The following TYK2 variants were observed in gnomAD, a reference collection of about 807,000 sequenced individuals.
TYK2 encodes the protein non-receptor tyrosine-protein kinase TYK2.
Under a neutral mutation model 130.9 loss-of-function variants are expected in TYK2, and 65 were observed. The observed-to-expected ratio is 0.50, with a 90% CI of 0.41 to 0.61. The LOEUF (loss-of-function observed/expected upper bound fraction) is 0.61. Among genes scored for constraint, TYK2 ranks in the 20% least tolerant of loss-of-function variants. TYK2 has a pLI of 0.00. For synonymous variants in TYK2, 647 were observed against 658.9 expected (o/e 0.98, Z 0.28); for missense variants, 1,378 against 1,610.7 (o/e 0.86, Z 2.47).
chr19:10,358,294 GTTTTTT>G (rs770531180), intron 15 of TYK2, among the ~76,000 whole-genome samples, 156 bp from the exon 16 acceptor site: 3 of 91,442 alleles, frequency 3.3e-5, no homozygotes, highest in African/African-American at 1.3e-4. Context: ...TTTTTTTCTT[GTTTTTT>G]TTTTTTTTTT....
chr19:10,355,414 T>C (rs1233438770), intron 18 of TYK2, among the ~76,000 whole-genome samples: 1 of 150,882 alleles, frequency 6.6e-6, no homozygotes, highest in Non-Finnish European at 1.5e-5. Context: ...CTGAGGAGGG[T>C]GGATCACCTG....
chr19:10,363,501 C>T (rs945810788), intron 9 of TYK2, among the ~76,000 whole-genome samples: 2 of 152,056 alleles, frequency 1.3e-5, no homozygotes, highest in South Asian at 2.1e-4. Flanking sequence ...TTGTACTTGA[C>T]GCCAGACGGG....
At chr19:10,351,783 G>A (rs2040813284) in intron 23 of TYK2, among the ~76,000 whole-genome samples, 1 of 151,982 alleles carries the variant, frequency 6.6e-6, no homozygotes, top group African/African-American at 2.4e-5. Flanking sequence ...CTTTCACCCA[G>A]GCTGGAGTGC....
Position 10,368,389 on chromosome 19 carries a change from CAA to C in TYK2, c.221_222del (p.Phe74CysfsTer76). Reference protein sequence around the residue: ...VGITPPCFNLFALFDAQAQVW... With the variant: ...VGITPPCFNLXALFDAQAQVW... ...ACTTGGGCCTGAGCATCGAAGAGGG[CAA>C]AGAGATTGAAGCAAGGAGGAGTGAT... is the stretch of plus-strand genomic sequence containing the variant. On this transcript the variant is annotated frameshift_variant, in exon 4 of 25. Transcript: ENST00000525621. LOFTEE classifies it high-confidence loss of function. The C allele has an allele frequency of 6.2e-7, 1 of 1,614,062 alleles. No homozygotes were observed. The highest frequency in any genetic ancestry group is 8.5e-7 in the Non-Finnish European group (1 of 1,180,024).
intron 3 of TYK2, among the ~76,000 whole-genome samples, chr19:10,377,842 GTGGA>G (rs1272440999): frequency 2.2e-4 from 14 of 62,516 alleles, no homozygotes; most frequent in African/African-American, 7.4e-4. Context: ...GGATGCGTGG[GTGGA>G]TGGATGGGTG....
At position 10,357,399 on chromosome 19, in the gene TYK2, C is replaced by A. The variant is rs2041154061; in HGVS notation, c.2466+365G>T. On this transcript the variant is annotated intron_variant, in intron 17 of 24. Transcript: ENST00000525621. ...AGTGGAACTTCGTCTCAAAATAAAA[C>A]CACCACACTCATGAACCTCCTTTGG... The A allele has an allele frequency of 9.3e-6, 6 of 647,920 alleles. No individual in the cohort carries two copies. In the South Asian group the frequency reaches 1.0e-4, roughly 11 times the overall value. 40.1% of individuals were successfully genotyped at this position (647,920 alleles called of 1,614,324 possible).
rs2041412586 is a variant in TYK2, at chr19:10,361,714, C to T, written c.1959+56G>A. On this transcript the variant is annotated intron_variant, in intron 13 of 24. Coordinates refer to ENST00000525621, the MANE Select transcript of TYK2 (RefSeq NM_003331.5). The surrounding 1 kb of genome is among the most constrained non-coding windows in gnomAD (Gnocchi z 4.0). ...CACAGACACACCCCTCCCATCCCACCTCCTCCGGCCACCTCCTCCACAGAC... is the reference window on the plus strand; with the variant it reads ...CACAGACACACCCCTCCCATCCCACTTCCTCCGGCCACCTCCTCCACAGAC... 1 of 1,598,420 alleles carries T rather than the reference C, an allele frequency of 6.3e-7. No homozygotes were observed. The highest frequency in any genetic ancestry group is 8.5e-7 in the Non-Finnish European group (1 of 1,172,936).
intron 12 of TYK2, 39 bp downstream of exon 12, chr19:10,362,039 G>A (rs752151808): frequency 4.3e-6 from 7 of 1,613,064 alleles, no homozygotes; most frequent in South Asian, 3.3e-5. Flanking sequence ...ACATCCCCAG[G>A]GGCCCTGCCC....
chr19:10,378,258 G>C lies in TYK2; in HGVS notation c.149C>G (p.Ser50Trp). The C allele has an allele frequency of 6.2e-7, 1 of 1,612,890 alleles. No homozygotes were observed. The highest frequency in any genetic ancestry group is 8.5e-7 in the Non-Finnish European group (1 of 1,179,964). ...GATGCAGACTTCCTCAGCTGTCAGC[G>C]ATGACTCACTGAAAGTGACCCAGGG... ...GEPWVTFSESSLTAEEVCIHI... is the reference protein window; with the variant it reads ...GEPWVTFSESWLTAEEVCIHI... The change falls in exon 3 of 25, where the codon TCG becomes TGG. Residue 50 changes from serine (S) to tryptophan (W), a missense_variant. Ser to Trp is a radical substitution (Grantham distance 177). Coordinates refer to ENST00000525621, the MANE Select transcript of TYK2 (RefSeq NM_003331.5).
intron 3 of TYK2, among the ~76,000 whole-genome samples, chr19:10,377,002 A>T (rs2042143887): frequency 1.3e-5 from 2 of 152,192 alleles, no homozygotes; most frequent in South Asian, 4.2e-4. Flanking sequence ...CCTGGGCTCA[A>T]GCGATCCTCT....
At chr19:10,369,650 C>A in intron 3 of TYK2, 1 of 437,426 alleles carries the variant, frequency 2.3e-6, no homozygotes, top group South Asian at 1.6e-5. Context: ...CATCCACCAC[C>A]TTCAAATGCA....
At chr19:10,359,126 G>A (rs1346816882) in intron 15 of TYK2, 49 bp downstream of exon 15, 1 of 1,594,522 alleles carries the variant, frequency 6.3e-7, no homozygotes, top group Admixed American at 1.7e-5. Context: ...GAACTCCTGG[G>A]CTCCTGGCCC....
At chr19:10,377,368 AT>A (rs2042159378) in intron 3 of TYK2, among the ~76,000 whole-genome samples, 1 of 142,214 alleles carries the variant, frequency 7.0e-6, no homozygotes, top group African/African-American at 2.6e-5. Context: ...GGATGGATGG[AT>A]GGATAGATGG....
rs199929318 is a variant in TYK2, at chr19:10,352,584, G to A, written c.3201-33C>T. 5.6e-4 allele frequency: 582 copies of A among 1,039,428 alleles called. 3 individuals carry two copies. Among genetic ancestry groups the A allele is most frequent in the Middle Eastern group, 1.3e-3 (6 of 4,706 alleles). The allele number at this position is 1,039,428 out of a possible 1,614,324, so 64.4% of individuals were successfully genotyped here. Reference sequence around the variant, plus strand: ...GAGGGGGGCACTCAGGCCACGGGGGGCTGCACTGAGGGCTTGGGGATCAGA... The same window carrying A: ...GAGGGGGGCACTCAGGCCACGGGGGACTGCACTGAGGGCTTGGGGATCAGA... On this transcript the variant is annotated intron_variant, in intron 22 of 24. Coordinates refer to ENST00000525621, the MANE Select transcript of TYK2 (RefSeq NM_003331.5).
Position 10,368,086 on chromosome 19 carries a change from T to C in TYK2, c.434A>G (p.Asp145Gly). Reference protein sequence around the residue: ...DQTAQGMQLLDPASFEYLFEQ... With the variant: ...DQTAQGMQLLGPASFEYLFEQ... ...AAAGAGGTACTCAAATGAGGCTGGG[T>C]CCAGGAGTTGCATCCCCTGTGCTGT... Residue 145 changes from aspartate to glycine, a missense_variant, in exon 5 of 25, where the codon GAC (aspartate) becomes GGC (glycine). Asp to Gly is a moderately conservative substitution (Grantham distance 94). Coordinates refer to ENST00000525621, the MANE Select transcript of TYK2 (RefSeq NM_003331.5). 6.2e-7 allele frequency: 1 copy of C among 1,614,078 alleles called. No individual in the cohort carries two copies. The highest frequency in any genetic ancestry group is 8.5e-7 in the Non-Finnish European group (1 of 1,180,014).
rs773509142 is a variant in TYK2 at position 10,353,029 on chromosome 19, T to C, written c.3097A>G (p.Asn1033Asp). ...DLAARNVLLD[N>D]DRLVKIGDFG... is the part of the protein sequence containing the mutation. ...TCCCCGATCTTGACCAGCCTGTCGT[T>C]GTCCAGCAGCACGTTGCGCGCGGCT... Residue 1033 changes from asparagine to aspartate, a missense_variant, in exon 22 of 25, where the codon AAC (asparagine) becomes GAC (aspartate). By Grantham distance (23) the Asn-to-Asp change is conservative. Coordinates refer to ENST00000525621, the MANE Select transcript of TYK2 (RefSeq NM_003331.5). The surrounding 1 kb of genome is among the most constrained non-coding windows in gnomAD (Gnocchi z 6.9). The C allele has an allele frequency of 3.1e-6, 5 of 1,601,162 alleles. No individual in the cohort carries two copies. Among genetic ancestry groups the C allele is most frequent in the African/African-American group, 2.7e-5 (2 of 74,478 alleles).
intron 7 of TYK2, 105 bp downstream of exon 7, chr19:10,365,412 A>T: frequency 6.5e-7 from 1 of 1,550,324 alleles, no homozygotes; most frequent in Non-Finnish European, 8.8e-7. Context: ...CCATGTGGGG[A>T]GAGGGCTCAG....
intron 17 of TYK2, chr19:10,357,438 A>G (rs1192597094): frequency 1.4e-6 from 1 of 690,140 alleles, no homozygotes; most frequent in Non-Finnish European, 2.6e-6. Context: ...GCCTTGTCTG[A>G]CCCCACTGCT....
Position 10,361,441 on chromosome 19 carries a change from C to A in TYK2, c.2047+70G>T. The A allele has an allele frequency of 7.7e-7, 1 of 1,303,246 alleles. No homozygotes were observed. Among genetic ancestry groups the A allele is most frequent in the Non-Finnish European group, 1.0e-6 (1 of 979,482 alleles). 80.7% of individuals were successfully genotyped at this position (1,303,246 alleles called of 1,614,324 possible). On this transcript the variant is annotated intron_variant, in intron 14 of 24. Coordinates refer to ENST00000525621, the MANE Select transcript of TYK2 (RefSeq NM_003331.5). The surrounding 1 kb of genome is among the most constrained non-coding windows in gnomAD (Gnocchi z 4.0). ...GGGGTGTAGGTCGAGGGTTGGGGTA[C>A]AGATCAGGGAGTGGGTATAAGTCAG...
Sources: allele counts gnomAD v4.1 joint callset (sites outside exome capture counted in the v4.1 genomes callset), GRCh38; gene constraint gnomAD v4.1.1; non-coding constraint Gnocchi (gnomAD v3.1); transcripts MANE v1.5; gene names NCBI Gene and HGNC (gene_info 2026-07-23, HGNC 2026-07-21).